The following NFYB variants were observed in gnomAD, a reference collection of about 807,000 sequenced individuals.
NFYB encodes nuclear transcription factor Y subunit beta.
A neutral mutation model predicts 28.0 loss-of-function variants in NFYB; 13 were observed. The observed-to-expected ratio is 0.46, with a 90% CI of 0.30 to 0.74. The LOEUF (loss-of-function observed/expected upper bound fraction) is 0.74. Ranked by LOEUF, NFYB falls within the 30% of genes least tolerant of loss-of-function variation. The pLI, the probability that NFYB is intolerant of heterozygous loss-of-function variation, is 0.07. For synonymous variants in NFYB, 74 were observed against 75.0 expected (o/e 0.99, Z 0.07); for missense variants, 142 against 247.6 (o/e 0.57, Z 2.86).
chr12:104,123,597 G>A (rs552018451), intron 4 of NFYB, among the ~76,000 whole-genome samples, 174 bp from the exon 5 acceptor site: 1 of 152,288 alleles, frequency 6.6e-6, no homozygotes, highest in African/African-American at 2.4e-5. Context: ...ACACCTCAGA[G>A]TCAGAATAAA....
intron 1 of NFYB, chr12:104,137,710 C>T (rs2031164841): frequency 6.8e-6 from 1 of 148,144 alleles, no homozygotes; most frequent in African/African-American, 2.4e-5. Context: ...CTCGCGCCGC[C>T]GCCGGGGCTA....
At chr12:104,137,543 G>C (rs1333662339) in intron 1 of NFYB, 2 of 152,272 alleles carry the variant, frequency 1.3e-5, no homozygotes, top group Admixed American at 6.5e-5. Flanking sequence ...AGTGCCAGGA[G>C]GCCGCCCCCA....
Position 104,118,026 on chromosome 12 carries a change from G to T in NFYB, c.*1711C>A, listed in dbSNP as rs1416012266. On this transcript the variant is annotated 3_prime_UTR_variant, in exon 8 of 8. Coordinates refer to ENST00000240055, the MANE Select transcript of NFYB (RefSeq NM_006166.4). ...CAAAATATCCAATAGAAGATTAAATGAATTATGATTGAGTCATACAGCAGA... is the reference window on the plus strand; with the variant it reads ...CAAAATATCCAATAGAAGATTAAATTAATTATGATTGAGTCATACAGCAGA... 6.6e-6 allele frequency: 1 copy of T among 152,108 alleles called. No individual in the cohort carries two copies. Among genetic ancestry groups the T allele is most frequent in the Non-Finnish European group, 1.5e-5 (1 of 68,018 alleles). 9.4% of individuals were successfully genotyped at this position (152,108 alleles called of 1,614,324 possible).
intron 5 of NFYB, 36 bp downstream of exon 5, chr12:104,123,190 G>GAAA: frequency 2.2e-6 from 3 of 1,342,740 alleles, no homozygotes; most frequent in Admixed American, 2.3e-5. Context: ...AAAAAAAGAA[G>GAAA]AAAAAAAAAA....
intron 2 of NFYB, among the ~76,000 whole-genome samples, chr12:104,134,538 C>T (rs1286246835): frequency 6.6e-6 from 1 of 152,152 alleles, no homozygotes. Flanking sequence ...CCTATTTCCA[C>T]TGGATTACCA....
rs1237754295 is a variant in NFYB, at chr12:104,118,255, T to C, written c.*1482A>G. On this transcript the variant is annotated 3_prime_UTR_variant, in exon 8 of 8. Transcript: ENST00000240055. ...CATTGGTTCTTTCAACATAGTAGGATGACTGTTGATTTTGCTTAACTACTC... is the reference window on the plus strand; with the variant it reads ...CATTGGTTCTTTCAACATAGTAGGACGACTGTTGATTTTGCTTAACTACTC... 1 of 152,320 alleles carries C rather than the reference T, an allele frequency of 6.6e-6. No homozygotes were observed. Among genetic ancestry groups the C allele is most frequent in the African/African-American group, 2.4e-5 (1 of 41,450 alleles). 9.4% of individuals were successfully genotyped at this position (152,320 alleles called of 1,614,324 possible).
At chr12:104,132,728 G>A (rs954448626) in intron 2 of NFYB, among the ~76,000 whole-genome samples, 2 of 152,206 alleles carry the variant, frequency 1.3e-5, no homozygotes. Flanking sequence ...GGGAGTGCTG[G>A]ACAGTGTAAG....
At chr12:104,133,639 T>C (rs1249067311) in intron 2 of NFYB, among the ~76,000 whole-genome samples, 1 of 152,236 alleles carries the variant, frequency 6.6e-6, no homozygotes. Context: ...GTAATCTTAG[T>C]ATTGCCCCCT....
At chr12:104,127,462 G>T (rs2030757586) in intron 3 of NFYB, among the ~76,000 whole-genome samples, 1 of 151,662 alleles carries the variant, frequency 6.6e-6, no homozygotes, top group Non-Finnish European at 1.5e-5. Context: ...CAGCTAACGG[G>T]CAGGCTGAGG....
intron 4 of NFYB, among the ~76,000 whole-genome samples, chr12:104,125,602 A>T (rs531955623): frequency 2.0e-5 from 3 of 152,210 alleles, no homozygotes; most frequent in East Asian, 3.9e-4. Flanking sequence ...TAATCCCAGC[A>T]CTTTGGTAGG....
intron 4 of NFYB, 122 bp downstream of exon 4, chr12:104,125,992 T>G (rs1426193681): frequency 2.0e-6 from 2 of 1,024,766 alleles, no homozygotes; most frequent in African/African-American, 1.7e-5. Context: ...ATGAAAGAAA[T>G]ATTTGATTTG....
intron 3 of NFYB, among the ~76,000 whole-genome samples, chr12:104,127,643 A>T: frequency 6.7e-6 from 1 of 148,584 alleles, no homozygotes. Flanking sequence ...ATTATTTCTG[A>T]TAGGCCAACA....
At position 104,117,410 on chromosome 12, in the gene NFYB, C is replaced by G. The variant is rs1419706250; in HGVS notation, c.*2327G>C. ...AGTATATACTAATTTAAAATTTACT[C>G]AAATTCCTGTTTGTTTGAGACAAGA... On this transcript the variant is annotated 3_prime_UTR_variant, in exon 8 of 8. Transcript: ENST00000240055. 6.6e-6 allele frequency: 1 copy of G among 152,078 alleles called. No homozygotes were observed. The highest frequency in any genetic ancestry group is 2.4e-5 in the African/African-American group (1 of 41,418). 9.4% of individuals were successfully genotyped at this position (152,078 alleles called of 1,614,324 possible).
intron 2 of NFYB, among the ~76,000 whole-genome samples, chr12:104,130,497 A>T (rs1023524664): frequency 6.6e-6 from 1 of 152,192 alleles, no homozygotes; most frequent in African/African-American, 2.4e-5. Flanking sequence ...ACCTTTAATA[A>T]TCTGTGAACA....
chr12:104,128,632 A>G, intron 2 of NFYB, 115 bp from the exon 3 acceptor site: 1 of 585,618 alleles, frequency 1.7e-6, no homozygotes, highest in Non-Finnish European at 3.0e-6. Context: ...CATAGCCTTA[A>G]GCTTACTAAA....
In NFYB at chr12:104,121,331, GAAAA is replaced by G. The variant is rs536982251; in HGVS notation, c.430-14_430-11del. On this transcript the variant is annotated splice_polypyrimidine_tract_variant and intron_variant, in intron 5 of 7. Coordinates refer to ENST00000240055, the MANE Select transcript of NFYB (RefSeq NM_006166.4). ...TTTCTCCTTTCATAGCCTGAGGAAG[GAAAA>G]AAAAAAAGTCACTGATATTCAAATG... The G allele has an allele frequency of 1.6e-6, 2 of 1,251,486 alleles. No homozygotes were observed. The highest frequency in any genetic ancestry group is 1.1e-6 in the Non-Finnish European group (1 of 922,638). The allele number at this position is 1,251,486 out of a possible 1,614,324, so 77.5% of individuals were successfully genotyped here.
chr12:104,130,484 C>T (rs1322417689), intron 2 of NFYB, among the ~76,000 whole-genome samples: 7 of 152,134 alleles, frequency 4.6e-5, no homozygotes, highest in Non-Finnish European at 8.8e-5. Context: ...ATAGAATTTA[C>T]AGACCTTTAA....
chr12:104,119,878 C>G (rs2030399351), intron 7 of NFYB, 109 bp from the exon 8 acceptor site: 2 of 683,050 alleles, frequency 2.9e-6, no homozygotes, highest in South Asian at 3.8e-5. Flanking sequence ...AAGTCTAATT[C>G]CCATTTCTTG....
In NFYB at chr12:104,135,460, C is replaced by T; in HGVS notation, c.-7G>A. On this transcript the variant is annotated 5_prime_UTR_variant, in exon 2 of 8. Transcript: ENST00000240055. ...AAAATATACTTACTGTCATGAAATACTGTCAGAACCGTGTTGTCAGTGGTG... is the reference window on the plus strand; with the variant it reads ...AAAATATACTTACTGTCATGAAATATTGTCAGAACCGTGTTGTCAGTGGTG... 1 of 1,591,664 alleles carries T rather than the reference C, an allele frequency of 6.3e-7. No individual in the cohort carries two copies. The highest frequency in any genetic ancestry group is 8.5e-7 in the Non-Finnish European group (1 of 1,171,600).
Sources: allele counts gnomAD v4.1 joint callset (sites outside exome capture counted in the v4.1 genomes callset), GRCh38; gene constraint gnomAD v4.1.1; transcripts MANE v1.5; gene names NCBI Gene and HGNC (gene_info 2026-07-23, HGNC 2026-07-21).